The following STK32C variants were observed in gnomAD, a reference collection of about 807,000 sequenced individuals.
STK32C encodes the protein serine/threonine-protein kinase 32C.
A neutral mutation model predicts 56.5 loss-of-function variants in STK32C; 31 were observed. The observed-to-expected ratio is 0.55, with a 90% CI of 0.41 to 0.74. The LOEUF (loss-of-function observed/expected upper bound fraction) is 0.74. STK32C is among the 30% of genes least tolerant of loss of function. STK32C has a pLI of 0.00. For missense variants in STK32C, 544 were observed against 676.9 expected (o/e 0.80, Z 2.18); for synonymous variants, 309 against 289.4 (o/e 1.07, Z -0.69).
chr10:132,305,011 C>T (rs1274629253), intron 1 of STK32C, among the ~76,000 whole-genome samples: 1 of 152,234 alleles, frequency 6.6e-6, no homozygotes, highest in East Asian at 1.9e-4. Flanking sequence ...CTCTCAGGTT[C>T]ACTTGGTATC....
chr10:132,328,825 G>A (rs914814584), intron 1 of STK32C, among the ~76,000 whole-genome samples: 2 of 152,284 alleles, frequency 1.3e-5, no homozygotes, highest in African/African-American at 4.8e-5. Flanking sequence ...GACGAGGACA[G>A]CCTTCGGCCC....
At chr10:132,208,248 G>A (rs1158431268) in intron 11 of STK32C, 97 bp from the exon 12 acceptor site, 10 of 1,239,108 alleles carry the variant, frequency 8.1e-6, no homozygotes, top group East Asian at 3.0e-5. Context: ...AGGCCATGGC[G>A]TGGATGCCCA....
At chr10:132,260,201 C>T (rs759908473) in intron 1 of STK32C, among the ~76,000 whole-genome samples, 8 of 152,202 alleles carry the variant, frequency 5.3e-5, no homozygotes, top group Non-Finnish European at 8.8e-5. Context: ...CTCCCAGCCA[C>T]GTTGTCAGGG....
intron 1 of STK32C, among the ~76,000 whole-genome samples, chr10:132,246,431 C>A (rs1009125919): frequency 2.2e-4 from 34 of 152,228 alleles, no homozygotes; most frequent in Admixed American, 2.2e-3. Context: ...GGGGTGTCAG[C>A]CCTGCTGGCA....
chr10:132,303,334 C>T (rs548972256), intron 1 of STK32C, among the ~76,000 whole-genome samples: 2 of 152,350 alleles, frequency 1.3e-5, no homozygotes, highest in African/African-American at 4.8e-5. Context: ...GAAGAAAGTA[C>T]AGATGCAGGT....
downstream of STK32C, among the ~76,000 whole-genome samples, chr10:132,320,506 G>T (rs368941793): frequency 6.6e-6 from 1 of 152,050 alleles, no homozygotes; most frequent in Non-Finnish European, 1.5e-5. Flanking sequence ...TGTTGGCCAC[G>T]GTTATGGAAG....
intron 1 of STK32C, among the ~76,000 whole-genome samples, chr10:132,329,212 C>T (rs986279372): frequency 4.6e-5 from 7 of 152,148 alleles, no homozygotes; most frequent in Non-Finnish European, 1.0e-4. Flanking sequence ...CTCAGGAGTT[C>T]GAGACCAGCC....
At chr10:132,294,101 G>C (rs542751642) in intron 1 of STK32C, among the ~76,000 whole-genome samples, 60 of 152,210 alleles carry the variant, frequency 3.9e-4, no homozygotes, top group Non-Finnish European at 5.9e-4. Context: ...GTGGGAAACA[G>C]GTCCCAGCTG....
At chr10:132,242,685 A>G (rs2063548118) in intron 2 of STK32C, among the ~76,000 whole-genome samples, 1 of 151,890 alleles carries the variant, frequency 6.6e-6, no homozygotes, top group South Asian at 2.1e-4. Context: ...CAGCCTGCAC[A>G]TCAGCCCTTG....
chr10:132,263,998 A>G (rs1306493419), intron 1 of STK32C, among the ~76,000 whole-genome samples: 1 of 152,212 alleles, frequency 6.6e-6, no homozygotes, highest in African/African-American at 2.4e-5. Flanking sequence ...GAGTTCATGC[A>G]TCATGTGACT....
chr10:132,271,266 C>T (rs2064811729), intron 1 of STK32C, among the ~76,000 whole-genome samples: 1 of 152,140 alleles, frequency 6.6e-6, no homozygotes, highest in Non-Finnish European at 1.5e-5. Flanking sequence ...GGCAGTGGCC[C>T]ATACACCCCA....
intron 10 of STK32C, among the ~76,000 whole-genome samples, chr10:132,216,761 T>C (rs1341730459): frequency 6.6e-6 from 1 of 152,226 alleles, no homozygotes; most frequent in African/African-American, 2.4e-5. Context: ...GCTCAGGCTG[T>C]GGCTTCAGAG....
intron 1 of STK32C, among the ~76,000 whole-genome samples, chr10:132,298,242 G>A (rs2065812653): frequency 6.6e-6 from 1 of 152,250 alleles, no homozygotes; most frequent in Non-Finnish European, 1.5e-5. Context: ...AGCTGGGCCT[G>A]TGACTGGCTC....
chr10:132,252,905 T>C (rs2063957832), intron 1 of STK32C, among the ~76,000 whole-genome samples: 1 of 152,166 alleles, frequency 6.6e-6, no homozygotes, highest in Non-Finnish European at 1.5e-5. Context: ...GGATTCTGCA[T>C]CCACACAGGT....
intron 2 of STK32C, among the ~76,000 whole-genome samples, chr10:132,230,831 A>G (rs370661683): frequency 4.3e-4 from 65 of 152,074 alleles, no homozygotes; most frequent in African/African-American, 1.3e-3. Context: ...AACCCTCTCC[A>G]GGCTCCCTCT....
chr10:132,229,650 G>A (rs930071732), intron 2 of STK32C, among the ~76,000 whole-genome samples: 3 of 152,224 alleles, frequency 2.0e-5, no homozygotes, highest in African/African-American at 7.2e-5. Flanking sequence ...TGGTTAGTGT[G>A]TGGCCCTGGA....
chr10:132,253,196 G>A (rs926816276), intron 1 of STK32C, among the ~76,000 whole-genome samples: 5 of 152,240 alleles, frequency 3.3e-5, no homozygotes, highest in Non-Finnish European at 7.3e-5. Flanking sequence ...GAGCTTTTCC[G>A]GAAAGCAGCA....
At chr10:132,313,320 T>A (rs974260845) in intron 1 of STK32C, among the ~76,000 whole-genome samples, 1 of 152,202 alleles carries the variant, frequency 6.6e-6, no homozygotes, top group African/African-American at 2.4e-5. Context: ...ATGAGCAACA[T>A]TAAACGCCGT....
Position 132,328,949 on chromosome 10 carries a change from A to G in STK32C, c.301+2487T>C, listed in dbSNP as rs1245907154. Among the ~76,000 whole-genome samples, 10 of 152,354 alleles carry G rather than the reference A, an allele frequency of 6.6e-5. No individual in the cohort carries two copies. The South Asian group carries it at 1.9e-3, about 28-fold the overall frequency. ...AGGCTCCTGCCAGAGCATGACACAC[A>G]GTGAATACTCAGGGAAACAGAACAT... On this transcript the variant is annotated intron_variant, in intron 1 of 1. Coordinates refer to the STK32C transcript ENST00000368619.
Sources: allele counts gnomAD v4.1 joint callset (sites outside exome capture counted in the v4.1 genomes callset), GRCh38; gene constraint gnomAD v4.1.1; transcripts MANE v1.5; gene names NCBI Gene and HGNC (gene_info 2026-07-23, HGNC 2026-07-21).